Variants in WDPCP observed in about 807,000 individuals in gnomAD.
WDPCP encodes WD repeat-containing and planar cell polarity effector protein fritz homolog.
A neutral mutation model predicts 93.1 loss-of-function variants in WDPCP; 71 were observed. That is an observed-to-expected ratio of 0.76 (90% CI 0.63 to 0.93). WDPCP has a LOEUF of 0.93. Ranked by LOEUF, WDPCP falls within the 40% of genes least tolerant of loss-of-function variation. WDPCP has a pLI of 0.00. For synonymous variants in WDPCP, 315 were observed against 315.0 expected (o/e 1.00, Z 0.00); for missense variants, 844 against 887.4 (o/e 0.95, Z 0.62).
At chr2:63,353,770 G>A (rs1689805387) in intron 12 of WDPCP, among the ~76,000 whole-genome samples, 1 of 152,194 alleles carries the variant, frequency 6.6e-6, no homozygotes, top group South Asian at 2.1e-4. Flanking sequence ...AAGGCAGGCT[G>A]CCATCTTTGT....
chr2:63,307,794 C>T (rs1455208794), intron 13 of WDPCP, among the ~76,000 whole-genome samples: 1 of 152,140 alleles, frequency 6.6e-6, no homozygotes, highest in Admixed American at 6.5e-5. Context: ...CTAGGCAATA[C>T]CATTCAGGAC....
At chr2:63,583,620 G>A (rs897775734) in intron 1 of WDPCP, among the ~76,000 whole-genome samples, 1 of 151,318 alleles carries the variant, frequency 6.6e-6, no homozygotes, top group Non-Finnish European at 1.5e-5. Context: ...AGTGGAGCTT[G>A]CAGTGAGCCA....
At chr2:63,401,051 A>C (rs901603224) in intron 10 of WDPCP, among the ~76,000 whole-genome samples, 14 of 152,148 alleles carry the variant, frequency 9.2e-5, no homozygotes, top group African/African-American at 3.1e-4. Context: ...CCGAGAAGAA[A>C]ACCTAGGTAA....
At position 63,121,760 on chromosome 2, in the gene WDPCP, C is replaced by G; in HGVS notation, c.*246G>C. 1 of 1,012,764 alleles carries G rather than the reference C, an allele frequency of 9.9e-7. No individual in the cohort carries two copies. Among genetic ancestry groups the G allele is most frequent in the Non-Finnish European group, 1.3e-6 (1 of 750,042 alleles). The allele number at this position is 1,012,764 out of a possible 1,614,324, so 62.7% of individuals were successfully genotyped here. ...ATTAACATACAATTTAAGACACTTTCAAAATTTTACATTATTGAAAATAAG... is the reference window on the plus strand; with the variant it reads ...ATTAACATACAATTTAAGACACTTTGAAAATTTTACATTATTGAAAATAAG... On this transcript the variant is annotated 3_prime_UTR_variant, in exon 18 of 18. Coordinates refer to ENST00000272321, the MANE Select transcript of WDPCP (RefSeq NM_015910.7).
intron 7 of WDPCP, chr2:63,438,153 TA>T (rs1697263625): frequency 2.2e-6 from 1 of 451,754 alleles, no homozygotes. Flanking sequence ...CACAAGTAGG[TA>T]AATAACTAAT....
chr2:63,431,953 G>A (rs189113340), intron 9 of WDPCP, among the ~76,000 whole-genome samples: 2 of 151,550 alleles, frequency 1.3e-5, no homozygotes, highest in African/African-American at 4.9e-5. Flanking sequence ...ATATTCAAAT[G>A]CATAAAATGA....
chr2:63,308,202 C>A (rs1685894921), intron 13 of WDPCP, among the ~76,000 whole-genome samples: 1 of 152,200 alleles, frequency 6.6e-6, no homozygotes, highest in South Asian at 2.1e-4. Flanking sequence ...GAGATACCAT[C>A]TCACGCCAGT....
intron 14 of WDPCP, among the ~76,000 whole-genome samples, chr2:63,248,165 A>G (rs1335527826): frequency 6.6e-6 from 1 of 152,168 alleles, no homozygotes; most frequent in Non-Finnish European, 1.5e-5. Context: ...GATAATAATA[A>G]GTAGAGTTAC....
chr2:63,367,727 A>G (rs184159019), intron 12 of WDPCP, among the ~76,000 whole-genome samples: 1 of 152,328 alleles, frequency 6.6e-6, no homozygotes, highest in Non-Finnish European at 1.5e-5. Context: ...TTGCTTTAGA[A>G]AAAACATAAG....
chr2:63,668,713 T>C (rs1353501823), intron 2 of WDPCP, among the ~76,000 whole-genome samples: 1 of 152,208 alleles, frequency 6.6e-6, no homozygotes, highest in African/African-American at 2.4e-5. Context: ...CAGGGTAAAC[T>C]GAAGACTTCG....
chr2:63,835,362 C>A, the WDPCP span, among the ~76,000 whole-genome samples: 1 of 146,472 alleles, frequency 6.8e-6, no homozygotes, highest in Non-Finnish European at 1.5e-5. Flanking sequence ...TTCACTCCAG[C>A]CTGGGTGACA....
chr2:63,408,190 A>G (rs962122533), intron 9 of WDPCP, among the ~76,000 whole-genome samples: 1 of 152,164 alleles, frequency 6.6e-6, no homozygotes, highest in African/African-American at 2.4e-5. Context: ...AGTCCCAAGA[A>G]GAGCCACAGA....
chr2:63,362,995 G>A (rs1690601328), intron 12 of WDPCP, among the ~76,000 whole-genome samples: 1 of 151,858 alleles, frequency 6.6e-6, no homozygotes, highest in Non-Finnish European at 1.5e-5. Context: ...TTGAAAATAA[G>A]AAAATACAAA....
intron 6 of WDPCP, among the ~76,000 whole-genome samples, chr2:63,463,692 A>G (rs1699169844): frequency 6.6e-6 from 1 of 152,214 alleles, no homozygotes; most frequent in African/African-American, 2.4e-5. Context: ...CCTCACATAA[A>G]TGGTCAAATG....
chr2:63,401,505 G>A (rs1694151035), intron 10 of WDPCP, among the ~76,000 whole-genome samples: 1 of 152,144 alleles, frequency 6.6e-6, no homozygotes, highest in African/African-American at 2.4e-5. Context: ...CAGGTGCAGT[G>A]GCTCACACTT....
At chr2:63,746,602 G>T (rs191453777) in intron 2 of WDPCP, among the ~76,000 whole-genome samples, 1 of 152,150 alleles carries the variant, frequency 6.6e-6, no homozygotes, top group Non-Finnish European at 1.5e-5. Context: ...TCCCAGGGGG[G>T]GCCTCTAAAA....
intron 3 of WDPCP, among the ~76,000 whole-genome samples, chr2:63,648,631 G>T (rs1042746121): frequency 2.0e-5 from 3 of 152,154 alleles, no homozygotes; most frequent in Non-Finnish European, 2.9e-5. Context: ...AAAATGTATA[G>T]ACTTTTGTGT....
intron 1 of WDPCP, among the ~76,000 whole-genome samples, chr2:63,561,382 GC>G (rs1463679972): frequency 4.7e-4 from 72 of 152,146 alleles, no homozygotes; most frequent in African/African-American, 1.7e-3. Context: ...GGAGGCTGAG[GC>G]AGGAGAATTG....
At chr2:63,688,826 T>C (rs964238498) in intron 2 of WDPCP, among the ~76,000 whole-genome samples, 3 of 152,098 alleles carry the variant, frequency 2.0e-5, no homozygotes, top group African/African-American at 7.2e-5. Context: ...AATATAATGA[T>C]GTTGGGAAGT....
Sources: allele counts gnomAD v4.1 joint callset (sites outside exome capture counted in the v4.1 genomes callset), GRCh38; gene constraint gnomAD v4.1.1; transcripts MANE v1.5; gene names NCBI Gene and HGNC (gene_info 2026-07-23, HGNC 2026-07-21).